CPNE4: variants seen among roughly 807,000 people sequenced by gnomAD.
CPNE4 encodes the protein copine 4, also known as copine-4.
Under a neutral mutation model 67.9 loss-of-function variants are expected in CPNE4, and 25 were observed. That is an observed-to-expected ratio of 0.37 (90% confidence interval 0.27 to 0.51). The LOEUF (loss-of-function observed/expected upper bound fraction) is 0.51, where lower values mean the gene tolerates loss of function less well. Ranked by LOEUF, CPNE4 falls within the 20% of genes least tolerant of loss-of-function variation. CPNE4 has a pLI of 0.93. For synonymous variants in CPNE4, 242 were observed against 244.9 expected, an observed-to-expected ratio of 0.99 and a Z score of 0.11; for missense variants, 464 against 690.8, an observed-to-expected ratio of 0.67 and a Z score of 3.68.
chr3:131,801,452 G>GTGTATATATATATATATA (rs761978890), intron 2 of CPNE4, among the ~76,000 whole-genome samples: 112 of 53,324 alleles, frequency 2.1e-3, no homozygotes, highest in Non-Finnish European at 2.9e-3. Flanking sequence ...GTGTGTGTGT[G>GTGTATATATATATATATA]TATATATATA....
intron 10 of CPNE4, among the ~76,000 whole-genome samples, chr3:131,570,552 A>G (rs1937286675): frequency 6.6e-6 from 1 of 151,956 alleles, no homozygotes; most frequent in African/African-American, 2.4e-5. Context: ...AAATTCTAGT[A>G]TCTGGTTTTA....
chr3:131,723,566 A>G lies in CPNE4; in HGVS notation c.240T>C (p.Thr80=). The stretch of plus-strand genomic sequence containing the variant: ...GCACCTCCTCAAAGTAAAAGTCCAC[A>G]GTAAACAGTTTTGAGTACACTGGGT... ...CINPVYSKLF[T]VDFYFEEVQR... is the part of the protein sequence containing the mutation. Residue 80 remains threonine, a synonymous_variant, in exon 3 of 16, where the codon ACT becomes ACC. Coordinates refer to ENST00000429747, the MANE Select transcript of CPNE4 (RefSeq NM_130808.3). 2 of 1,614,192 alleles carry G rather than the reference A, an allele frequency of 1.2e-6. No individual in the cohort carries two copies. The highest frequency in any genetic ancestry group is 1.3e-5 in the African/African-American group (1 of 75,068).
At chr3:131,912,877 T>C (rs993646515) in intron 1 of CPNE4, among the ~76,000 whole-genome samples, 2 of 152,118 alleles carry the variant, frequency 1.3e-5, no homozygotes, top group South Asian at 2.1e-4. Context: ...CTCCCAGATG[T>C]TGTTGATCCT....
chr3:132,024,798 T>C (rs769041675), intron 1 of CPNE4, among the ~76,000 whole-genome samples: 47 of 152,092 alleles, frequency 3.1e-4, no homozygotes, highest in Admixed American at 1.2e-3. Flanking sequence ...AAGTGCCCCA[T>C]GAGGTACCTG....
At chr3:131,830,948 C>T (rs966704303) in intron 2 of CPNE4, among the ~76,000 whole-genome samples, 3 of 152,052 alleles carry the variant, frequency 2.0e-5, no homozygotes, top group Non-Finnish European at 2.9e-5. Context: ...AGGTTAACTT[C>T]AGTATGGAAA....
intron 2 of CPNE4, among the ~76,000 whole-genome samples, chr3:131,836,636 A>C (rs977306385): frequency 2.0e-5 from 3 of 152,216 alleles, no homozygotes; most frequent in Admixed American, 6.5e-5. Flanking sequence ...AAAAGGAAGA[A>C]TATCTGTCTC....
At chr3:131,801,428 G>GTA (rs769216819) in intron 2 of CPNE4, among the ~76,000 whole-genome samples, 10,252 of 91,510 alleles carry the variant, frequency 0.11, 875 homozygotes, top group East Asian at 0.17. Context: ...GTGTGTGTGT[G>GTA]TGTGTGTGTG....
chr3:131,964,788 G>A (rs752093891), intron 1 of CPNE4, among the ~76,000 whole-genome samples: 7 of 152,160 alleles, frequency 4.6e-5, no homozygotes, highest in African/African-American at 1.4e-4. Flanking sequence ...GAACCAAGTC[G>A]GAAAATATAC....
Position 131,568,987 on chromosome 3 carries a change from C to A in CPNE4, c.928-4638G>T, listed in dbSNP as rs566607383. Among the ~76,000 whole-genome samples, 15 of 152,076 alleles carry A rather than the reference C, an allele frequency of 9.9e-5. No individual in the cohort carries two copies. The East Asian group carries it at 1.9e-3, about 20-fold the overall frequency. ...GTACAATTTGGACCTATACAATGAA[C>A]CTTGTAGGTGAACATACTGTTTGGT... On this transcript the variant is annotated intron_variant, in intron 10 of 15. Coordinates refer to ENST00000429747, the MANE Select transcript of CPNE4 (RefSeq NM_130808.3).
At chr3:131,859,074 T>C (rs1560480227) in intron 2 of CPNE4, among the ~76,000 whole-genome samples, 1 of 152,146 alleles carries the variant, frequency 6.6e-6, no homozygotes, top group Non-Finnish European at 1.5e-5. Flanking sequence ...ATTTATTATA[T>C]TTTTCTTAAC....
At chr3:131,619,522 G>A (rs747452579) in intron 7 of CPNE4, among the ~76,000 whole-genome samples, 1 of 152,136 alleles carries the variant, frequency 6.6e-6, no homozygotes. Flanking sequence ...ATGCACACAC[G>A]ATTCCATTCA....
intron 15 of CPNE4, among the ~76,000 whole-genome samples, 178 bp downstream of exon 15, chr3:131,542,379 C>T (rs375537391): frequency 1.3e-5 from 2 of 151,846 alleles, no homozygotes; most frequent in Admixed American, 6.6e-5. Flanking sequence ...TGGGAGATGA[C>T]GTGGCCCAGG....
At chr3:131,754,574 AT>A (rs1257950071) in intron 2 of CPNE4, among the ~76,000 whole-genome samples, 1 of 152,210 alleles carries the variant, frequency 6.6e-6, no homozygotes, top group African/African-American at 2.4e-5. Flanking sequence ...CTGTGTTGGA[AT>A]AGATTCTGAT....
chr3:131,956,277 T>G (rs2071969079), intron 1 of CPNE4, among the ~76,000 whole-genome samples: 1 of 152,180 alleles, frequency 6.6e-6, no homozygotes. Flanking sequence ...ATACATATAA[T>G]TACCAGTTCA....
chr3:131,615,891 TCACACACACACACACA>T (rs746630965), intron 7 of CPNE4, among the ~76,000 whole-genome samples: 23 of 107,820 alleles, frequency 2.1e-4, no homozygotes, highest in East Asian at 7.7e-4. Flanking sequence ...TCTCTCTCTC[TCACACACACACACACA>T]CACACACACA....
intron 1 of CPNE4, among the ~76,000 whole-genome samples, chr3:131,965,123 T>C (rs201537765): frequency 1.3e-5 from 2 of 152,168 alleles, no homozygotes. Context: ...CTAGCCAAAC[T>C]AAGCTTCATA....
chr3:131,605,887 C>G (rs969491153), intron 7 of CPNE4, among the ~76,000 whole-genome samples: 1 of 152,090 alleles, frequency 6.6e-6, no homozygotes, highest in Non-Finnish European at 1.5e-5. Context: ...GTTTGAGGGC[C>G]AAGGAATAGT....
intron 9 of CPNE4, among the ~76,000 whole-genome samples, chr3:131,580,388 CTATACATATACATATACATATACA>C (rs56222832): frequency 0.33 from 44,034 of 132,072 alleles, 8,707 homozygotes; most frequent in Non-Finnish European, 0.45. Flanking sequence ...ACATTGGCCT[CTATACATATACATATACATATACA>C]TATACATATA....
intron 7 of CPNE4, among the ~76,000 whole-genome samples, chr3:131,648,216 A>G (rs189988354): frequency 6.6e-6 from 1 of 152,210 alleles, no homozygotes; most frequent in Non-Finnish European, 1.5e-5. Flanking sequence ...TACAAAAAAC[A>G]CAAAAATTAG....
Sources: gnomAD v4.1 joint callset for allele counts (sites outside exome capture counted in the v4.1 genomes callset) on GRCh38, gnomAD v4.1.1 for gene constraint, MANE v1.5 for transcripts, NCBI Gene and HGNC (gene_info 2026-07-23, HGNC 2026-07-21) for gene names.